The following GABBR2 variants were observed in gnomAD, a reference collection of about 807,000 sequenced individuals.
GABBR2 encodes gamma-aminobutyric acid type B receptor subunit 2, also known as G-protein coupled receptor 51.
Under a neutral mutation model 105.6 loss-of-function variants are expected in GABBR2, and 23 were observed. That is an observed-to-expected ratio of 0.22 (90% CI 0.16 to 0.31). GABBR2 has a LOEUF of 0.31. Ranked by LOEUF, GABBR2 falls within the 10% of genes least tolerant of loss-of-function variation. The probability of loss-of-function intolerance (pLI) is 1.00; values close to 1 mark genes in which losing one functional copy is unlikely to be tolerated. For synonymous variants in GABBR2, 478 were observed against 499.7 expected, an observed-to-expected ratio of 0.96 and a Z score of 0.58; for missense variants, 734 against 1,245.5, an observed-to-expected ratio of 0.59 and a Z score of 6.18.
At chr9:98,356,549 T>C (rs1004811812) in intron 13 of GABBR2, among the ~76,000 whole-genome samples, 1 of 152,242 alleles carries the variant, frequency 6.6e-6, no homozygotes, top group African/African-American at 2.4e-5. Flanking sequence ...GGAACTCCCA[T>C]TCATTGCTCG....
chr9:98,312,308 CT>C, intron 13 of GABBR2, among the ~76,000 whole-genome samples: 1 of 152,128 alleles, frequency 6.6e-6, no homozygotes, highest in Non-Finnish European at 1.5e-5. Flanking sequence ...CTACTTTGGT[CT>C]TTCATGTCAT....
intron 1 of GABBR2, among the ~76,000 whole-genome samples, chr9:98,648,596 C>A (rs1036496091): frequency 6.6e-6 from 1 of 152,220 alleles, no homozygotes; most frequent in Non-Finnish European, 1.5e-5. Flanking sequence ...CCACTTCTCC[C>A]TCTCCAAGTC....
intron 3 of GABBR2, among the ~76,000 whole-genome samples, chr9:98,512,960 C>A (rs1396478661): frequency 6.6e-6 from 1 of 151,576 alleles, no homozygotes; most frequent in Admixed American, 6.6e-5. Flanking sequence ...CAATCCTAAG[C>A]CAAAAGAACA....
intron 1 of GABBR2, among the ~76,000 whole-genome samples, chr9:98,626,396 T>G (rs903067493): frequency 1.3e-5 from 2 of 152,208 alleles, no homozygotes; most frequent in African/African-American, 4.8e-5. Context: ...AATTGTATGT[T>G]AGGTGAATTA....
intron 10 of GABBR2, 70 bp from the exon 11 acceptor site, chr9:98,385,842 T>A: frequency 8.2e-7 from 1 of 1,217,632 alleles, no homozygotes; most frequent in Non-Finnish European, 1.2e-6. Context: ...AGGTATTTTC[T>A]AAACGCCTGC....
chr9:98,599,059 C>A (rs1313187538), intron 1 of GABBR2, among the ~76,000 whole-genome samples: 1 of 152,164 alleles, frequency 6.6e-6, no homozygotes. Flanking sequence ...GACCGGGAGA[C>A]AAGACGGGCA....
intron 7 of GABBR2, among the ~76,000 whole-genome samples, chr9:98,416,280 CCT>C (rs1235202215): frequency 1.3e-5 from 2 of 152,148 alleles, no homozygotes; most frequent in African/African-American, 2.4e-5. Flanking sequence ...TGCAAAATGC[CCT>C]GTTTTTACCT....
rs146390884 is a variant in GABBR2, at chr9:98,321,751, G to A, written c.1894-10546C>T. Among the ~76,000 whole-genome samples, 11 of 152,272 alleles carry A rather than the reference G, an allele frequency of 7.2e-5. 1 individual carries two copies. Among genetic ancestry groups the A allele is most frequent in the East Asian group, 1.9e-4 (1 of 5,174 alleles). ...ATCCTGACAGCTGTCAATTAAACCC[G>A]GAGAAGAAATAAAGTAAGAACATGA... On this transcript the variant is annotated intron_variant, in intron 13 of 18. Coordinates refer to ENST00000259455, the MANE Select transcript of GABBR2 (RefSeq NM_005458.8).
At position 98,453,947 on chromosome 9, in the gene GABBR2, A is replaced by AT. The variant is rs761237695; in HGVS notation, c.1236+33_1236+34insA. The AT allele has an allele frequency of 1.7e-5, 24 of 1,419,776 alleles. No homozygotes were observed. The East Asian group carries it at 3.6e-4, about 22-fold the overall frequency. 87.9% of individuals were successfully genotyped at this position (1,419,776 alleles called of 1,614,324 possible). The stretch of plus-strand genomic sequence containing the variant: ...TTTGCTTTGCATGTTTACAAGGAAC[A>AT]CTAAGGAAAACAGCCCAGAGGCATG... On this transcript the variant is annotated intron_variant, in intron 7 of 18. Coordinates refer to ENST00000259455, the MANE Select transcript of GABBR2 (RefSeq NM_005458.8).
intron 7 of GABBR2, among the ~76,000 whole-genome samples, chr9:98,429,013 C>G (rs1349517447): frequency 6.6e-6 from 1 of 152,098 alleles, no homozygotes; most frequent in African/African-American, 2.4e-5. Flanking sequence ...TTGGCAAAGA[C>G]CATTGATTTC....
Position 98,481,053 on chromosome 9 carries a change from G to T in GABBR2, c.733-56C>A, listed in dbSNP as rs375870538. ...AGTAGATGTTCAGCACCCCATAAAG[G>T]GTTCAAGGCTGTGGCAGACAACATT... On this transcript the variant is annotated intron_variant, in intron 4 of 18. Transcript: ENST00000259455. The T allele has an allele frequency of 2.3e-4, 239 of 1,061,628 alleles. No individual in the cohort carries two copies. In the African/African-American group the frequency reaches 3.4e-3, roughly 15 times the overall value. 65.8% of individuals were successfully genotyped at this position (1,061,628 alleles called of 1,614,324 possible).
intron 13 of GABBR2, among the ~76,000 whole-genome samples, chr9:98,339,700 ATAT>A (rs1831176429): frequency 6.6e-6 from 1 of 152,182 alleles, no homozygotes; most frequent in Admixed American, 6.5e-5. Context: ...TATTCAACTA[ATAT>A]TATTTATTGA....
intron 7 of GABBR2, among the ~76,000 whole-genome samples, chr9:98,421,879 G>A (rs1373601562): frequency 6.6e-6 from 1 of 152,172 alleles, no homozygotes; most frequent in Non-Finnish European, 1.5e-5. Flanking sequence ...AAAGTTAACA[G>A]GAGAAAATGT....
intron 1 of GABBR2, among the ~76,000 whole-genome samples, chr9:98,623,038 A>C (rs1176375987): frequency 6.6e-6 from 1 of 152,208 alleles, no homozygotes; most frequent in South Asian, 2.1e-4. Context: ...GAGGCTGTGC[A>C]TGTGTGGGAG....
chr9:98,460,071 A>G (rs551720840), intron 6 of GABBR2, among the ~76,000 whole-genome samples: 3 of 152,378 alleles, frequency 2.0e-5, no homozygotes, highest in African/African-American at 7.2e-5. Flanking sequence ...AAACAAATTC[A>G]TAGGTGATCC....
chr9:98,473,488 C>T, intron 5 of GABBR2, 142 bp from the exon 6 acceptor site: 3 of 609,054 alleles, frequency 4.9e-6, no homozygotes, highest in East Asian at 2.8e-5. Flanking sequence ...TTCTTCCTTG[C>T]TATTTATCAA....
chr9:98,560,391 G>A (rs1411124723), intron 2 of GABBR2, among the ~76,000 whole-genome samples: 11 of 149,456 alleles, frequency 7.4e-5, no homozygotes, highest in South Asian at 6.5e-4. Context: ...GTGCGTGTGC[G>A]CATACACACA....
intron 7 of GABBR2, among the ~76,000 whole-genome samples, chr9:98,451,047 C>G (rs962784187): frequency 1.3e-5 from 2 of 152,206 alleles, no homozygotes; most frequent in African/African-American, 4.8e-5. Context: ...TGCCAAAATG[C>G]TACCCGTGGG....
At chr9:98,366,426 A>G (rs1469526741) in intron 12 of GABBR2, among the ~76,000 whole-genome samples, 1 of 152,196 alleles carries the variant, frequency 6.6e-6, no homozygotes, top group Non-Finnish European at 1.5e-5. Context: ...TGTCATGTGC[A>G]TATTTGTCTA....
Sources: gnomAD v4.1 joint callset for allele counts (sites outside exome capture counted in the v4.1 genomes callset) on GRCh38, gnomAD v4.1.1 for gene constraint, MANE v1.5 for transcripts, NCBI Gene and HGNC (gene_info 2026-07-23, HGNC 2026-07-21) for gene names.